C16orf96: variants seen among roughly 807,000 people sequenced by gnomAD.
C16orf96 encodes chromosome 16 open reading frame 96.
C16orf96 carries 108 observed loss-of-function variants against 103.6 expected under a neutral mutation model. The ratio of observed to expected loss-of-function variants is 1.04; its 90% CI spans 0.89 to 1.22. C16orf96 has a LOEUF of 1.22. Ranked by LOEUF, C16orf96 falls within the 50% of genes most tolerant of loss-of-function variation. The probability of loss-of-function intolerance (pLI) is 0.00; values close to 1 mark genes in which losing one functional copy is unlikely to be tolerated. For missense variants in C16orf96, 1,586 were observed against 1,464.2 expected, an observed-to-expected ratio of 1.08 and a Z score of -1.36; for synonymous variants, 566 against 593.5, an observed-to-expected ratio of 0.95 and a Z score of 0.67.
chr16:4,558,820 C>A (rs536637318), intron 1 of C16orf96, among the ~76,000 whole-genome samples: 1 of 150,228 alleles, frequency 6.7e-6, no homozygotes, highest in African/African-American at 2.5e-5. Context: ...GAGGCTGAGG[C>A]AGGAGAATCG....
At chr16:4,594,236 C>A in intron 12 of C16orf96, 115 bp from the exon 13 acceptor site, 1 of 1,264,876 alleles carries the variant, frequency 7.9e-7, no homozygotes, top group Non-Finnish European at 1.1e-6. Flanking sequence ...GCCAGCTAAA[C>A]ACAAGCTGAA....
At chr16:4,546,545 G>A in the C16orf96 span, among the ~76,000 whole-genome samples, 30 of 147,264 alleles carry the variant, frequency 2.0e-4, no homozygotes, top group African/African-American at 7.0e-4. Flanking sequence ...GCTCACTGCA[G>A]CCTCGACCTT....
the C16orf96 span, among the ~76,000 whole-genome samples, chr16:4,539,421 C>T: frequency 3.3e-5 from 5 of 152,212 alleles, no homozygotes; most frequent in Middle Eastern, 3.2e-3. Context: ...CAGTGGCTAA[C>T]GCCTGTAATC....
intron 7 of C16orf96, among the ~76,000 whole-genome samples, chr16:4,583,033 C>A (rs1162076666): frequency 2.6e-5 from 4 of 151,822 alleles, no homozygotes; most frequent in Non-Finnish European, 5.9e-5. Flanking sequence ...GTCAGGAGTT[C>A]AAGACCAACC....
In C16orf96 at chr16:4,575,655, G is replaced by T; in HGVS notation, c.1175G>T (p.Arg392Leu). Residue 392 changes from arginine (R) to leucine (L), a missense_variant, in exon 5 of 16, where the codon CGC becomes CTC. Physicochemically the swap from Arg to Leu is moderately radical, Grantham distance 102. Transcript: ENST00000444310. Reference protein sequence around the residue: ...PLGDWPALPRRWPLPQGWPRV... With the variant: ...PLGDWPALPRLWPLPQGWPRV... ...GGAGACTGGCCTGCACTCCCAAGAC[G>T]CTGGCCTCTTCCCCAAGGCTGGCCC... The T allele has an allele frequency of 1.3e-6, 2 of 1,535,356 alleles. No homozygotes were observed. The highest frequency in any genetic ancestry group is 1.8e-6 in the Non-Finnish European group (2 of 1,140,076).
chr16:4,555,870 A>AT (rs987978923), upstream of C16orf96, among the ~76,000 whole-genome samples: 13 of 147,132 alleles, frequency 8.8e-5, no homozygotes, highest in Admixed American at 1.4e-4. Flanking sequence ...CTAATTACAA[A>AT]TTTTTTTTTG....
upstream of C16orf96, among the ~76,000 whole-genome samples, chr16:4,554,236 G>T (rs1184786205): frequency 2.0e-5 from 3 of 152,232 alleles, no homozygotes; most frequent in South Asian, 6.2e-4. Flanking sequence ...GAGCACAGGG[G>T]TTGTGAAGAG....
At chr16:4,600,053 A>G (rs527532026) in intron 15 of C16orf96, 47 bp from the exon 16 acceptor site, 1 of 1,514,130 alleles carries the variant, frequency 6.6e-7, no homozygotes, top group African/African-American at 1.4e-5. Context: ...AGTGTCTCCC[A>G]AGAAGGTTCT....
intron 1 of C16orf96, chr16:4,562,862 G>T: frequency 7.2e-7 from 1 of 1,380,370 alleles, no homozygotes. Flanking sequence ...CTGTCAGCTG[G>T]CTCCATTGTT....
In C16orf96 at chr16:4,575,213, G is replaced by A; in HGVS notation, c.733G>A (p.Glu245Lys). Residue 245 changes from glutamate to lysine, a missense_variant, in exon 5 of 16, where the codon GAG becomes AAG. By Grantham distance (56) the Glu-to-Lys change is moderately conservative. Coordinates refer to ENST00000444310, the MANE Select transcript of C16orf96 (RefSeq NM_001145011.2). Reference protein sequence around the residue: ...SSPLDLWQSVEQLPEAALAQT... With the variant: ...SSPLDLWQSVKQLPEAALAQT... ...ACCACTGGACCTGTGGCAGTCTGTAGAGCAGCTCCCAGAGGCTGCCCTGGC... is the reference window on the plus strand; with the variant it reads ...ACCACTGGACCTGTGGCAGTCTGTAAAGCAGCTCCCAGAGGCTGCCCTGGC... 2 of 1,547,462 alleles carry A rather than the reference G, an allele frequency of 1.3e-6. No homozygotes were observed. The highest frequency in any genetic ancestry group is 1.7e-6 in the Non-Finnish European group (2 of 1,146,964).
At chr16:4,557,313 T>C (rs2059276831) in intron 1 of C16orf96, among the ~76,000 whole-genome samples, 1 of 151,910 alleles carries the variant, frequency 6.6e-6, no homozygotes, top group Non-Finnish European at 1.5e-5. Flanking sequence ...CGATGGGCCA[T>C]CTCCTTATGC....
chr16:4,564,304 G>C (rs1462310139), intron 1 of C16orf96, among the ~76,000 whole-genome samples: 1 of 152,162 alleles, frequency 6.6e-6, no homozygotes, highest in African/African-American at 2.4e-5. Context: ...TGTCAGACTT[G>C]GTTGGATATG....
At chr16:4,599,971 C>A (rs1897249402) in intron 15 of C16orf96, 129 bp from the exon 16 acceptor site, 16 of 952,206 alleles carry the variant, frequency 1.7e-5, no homozygotes, top group Non-Finnish European at 2.3e-5. Context: ...TGGTGCCCAG[C>A]CGGCCATGGC....
At chr16:4,550,430 T>G in the C16orf96 span, among the ~76,000 whole-genome samples, 1,998 of 152,298 alleles carry the variant, frequency 0.013, 50 homozygotes, top group African/African-American at 0.045. Context: ...AAACACTGAC[T>G]GGTCCAAGGA....
Position 4,580,040 on chromosome 16 carries a change from G to A in C16orf96, c.2267G>A (p.Gly756Asp), listed in dbSNP as rs1260833358. 1 of 1,551,210 alleles carries A rather than the reference G, an allele frequency of 6.4e-7. No individual in the cohort carries two copies. Residue 756 changes from glycine (G) to aspartate (D), a missense_variant, in exon 7 of 16, where the codon GGC (glycine) becomes GAC (aspartate). Physicochemically the swap from Gly to Asp is moderately conservative, Grantham distance 94. Coordinates refer to ENST00000444310, the MANE Select transcript of C16orf96 (RefSeq NM_001145011.2). ...LKEEELERIW[G>D]NQIEMMKDRY... ...GAGGAAGAACTTGAGAGAATTTGGG[G>A]CAACCAAATAGAGATGATGAAGGAT... is the stretch of plus-strand genomic sequence containing the variant.
At chr16:4,552,243 A>G (rs757812892), upstream of C16orf96, among the ~76,000 whole-genome samples, 16 of 152,122 alleles carry the variant, frequency 1.1e-4, no homozygotes, top group Non-Finnish European at 2.4e-4. Context: ...GCACTTTGGG[A>G]GGCCAAGGCA....
chr16:4,574,712 C>T lies in C16orf96; in HGVS notation c.529C>T (p.His177Tyr). Reference protein sequence around the residue: ...DMLKNMLDKVHPERMDIFAED... With the variant: ...DMLKNMLDKVYPERMDIFAED... ...ACAGACTCAGTTCCTTTGACAGGTA[C>T]ACCCAGAAAGAATGGACATCTTTGC... Residue 177 changes from histidine (H) to tyrosine (Y), a missense_variant, in exon 3 of 16, where the codon CAC (histidine) becomes TAC (tyrosine). Transcript: ENST00000444310. The T allele has an allele frequency of 6.4e-7, 1 of 1,551,592 alleles. No homozygotes were observed. Among genetic ancestry groups the T allele is most frequent in the Non-Finnish European group, 8.7e-7 (1 of 1,146,882 alleles).
intron 2 of C16orf96, among the ~76,000 whole-genome samples, chr16:4,573,967 G>A (rs1358145424): frequency 6.6e-6 from 1 of 150,760 alleles, no homozygotes; most frequent in African/African-American, 2.4e-5. Context: ...CTGAGTAGCT[G>A]GGATTACAGG....
At position 4,575,834 on chromosome 16, in the gene C16orf96, G is replaced by T. The variant is rs573127060; in HGVS notation, c.1354G>T (p.Ala452Ser). The change falls in exon 5 of 16, where the codon GCA becomes TCA. Residue 452 changes from alanine to serine, a missense_variant. Coordinates refer to ENST00000444310, the MANE Select transcript of C16orf96 (RefSeq NM_001145011.2). ...TCGCCAGGGAGAAGCCCTCCAGCTC[G>T]CAGCTGTCCAAGTAAAGGGGGAGGA... ...QSRQGEALQL[A>S]AVQVKGEEND... 6.4e-7 allele frequency: 1 copy of T among 1,551,232 alleles called. No homozygotes were observed. The highest frequency in any genetic ancestry group is 1.2e-5 in the South Asian group (1 of 84,060).
Sources: gnomAD v4.1 joint callset for allele counts (sites outside exome capture counted in the v4.1 genomes callset) on GRCh38, gnomAD v4.1.1 for gene constraint, MANE v1.5 for transcripts, NCBI Gene and HGNC (gene_info 2026-07-23, HGNC 2026-07-21) for gene names.